Variants in CNOT4 observed in about 807,000 individuals in gnomAD.
CNOT4 encodes CCR4-associated factor 4.
Under a neutral mutation model 73.8 loss-of-function variants are expected in CNOT4, and 8 were observed. That is an observed-to-expected ratio of 0.11 (90% CI 0.06 to 0.20). The LOEUF (loss-of-function observed/expected upper bound fraction) is 0.20. Ranked by LOEUF, CNOT4 falls within the 10% of genes least tolerant of loss-of-function variation. The pLI is 1.00. For missense variants in CNOT4, 564 were observed against 883.4 expected (o/e 0.64, Z 4.58); for synonymous variants, 293 against 321.1 (o/e 0.91, Z 0.94).
At position 135,413,752 on chromosome 7, in the gene CNOT4, T is replaced by C. The variant is rs1442518682; in HGVS notation, c.562-139A>G. The C allele has an allele frequency of 1.8e-5, 12 of 680,014 alleles. No homozygotes were observed. In the East Asian group the frequency reaches 2.3e-4, roughly 13 times the overall value. 42.1% of individuals were successfully genotyped at this position (680,014 alleles called of 1,614,324 possible). A position where few individuals can be genotyped will look rare whatever the true frequency, so the allele number is the denominator to read the frequency against. ...AAACAAAAAGTATGGCTGCAAATACTAGAGAACTAAACTCTTATTAGCAGG... is the reference window on the plus strand; with the variant it reads ...AAACAAAAAGTATGGCTGCAAATACCAGAGAACTAAACTCTTATTAGCAGG... On this transcript the variant is annotated intron_variant, in intron 5 of 11. Coordinates refer to ENST00000541284, the MANE Select transcript of CNOT4 (RefSeq NM_001190850.2).
rs1023813496 is a variant in CNOT4, at chr7:135,424,702, C to T, written c.175-2349G>A. 3.4e-4 allele frequency among the ~76,000 whole-genome samples: 51 copies of T among 151,920 alleles called. 1 individual carries two copies. Among genetic ancestry groups the T allele is most frequent in the African/African-American group, 1.2e-3 (50 of 41,362 alleles). On this transcript the variant is annotated intron_variant, in intron 2 of 11. Transcript: ENST00000541284. ...TACTTGGGAGGCTGAGGCAGGAGAA[C>T]TGCTTGAACCTGGGAGGCAGAGGTT...
At chr7:135,367,641 T>C (rs951158172) in intron 10 of CNOT4, among the ~76,000 whole-genome samples, 3 of 152,310 alleles carry the variant, frequency 2.0e-5, no homozygotes, top group South Asian at 2.1e-4. Flanking sequence ...GGGTATTTCT[T>C]ACTGCCAGGA....
intron 1 of CNOT4, among the ~76,000 whole-genome samples, chr7:135,495,762 G>GAAAGAAAT (rs1554445904): frequency 2.3e-5 from 3 of 129,416 alleles, no homozygotes; most frequent in African/African-American, 9.1e-5. Context: ...AAGAAAGAAA[G>GAAAGAAAT]AAATTTAAGA....
chr7:135,453,302 T>C (rs964633368), intron 1 of CNOT4, among the ~76,000 whole-genome samples: 2 of 152,154 alleles, frequency 1.3e-5, no homozygotes, highest in Non-Finnish European at 2.9e-5. Context: ...TTTAAGCTCA[T>C]GTTTATTAGC....
In CNOT4 at chr7:135,398,179, T is replaced by C. The variant is rs781303233; in HGVS notation, c.869A>G (p.Asn290Ser). The change falls in exon 8 of 12, where the codon AAT (asparagine) becomes AGT (serine). Residue 290 changes from asparagine to serine, a missense_variant. Physicochemically the swap from Asn to Ser is conservative, Grantham distance 46. Coordinates refer to ENST00000541284, the MANE Select transcript of CNOT4 (RefSeq NM_001190850.2). ...SDSLSIGNGDNSQQISNSDTP... is the reference protein window; with the variant it reads ...SDSLSIGNGDSSQQISNSDTP... ...GTATTCAAATCTTACCTGCTGGGAATTATCACCGTTCCCTATACTGAGAGA... is the reference window on the plus strand; with the variant it reads ...GTATTCAAATCTTACCTGCTGGGAACTATCACCGTTCCCTATACTGAGAGA... 1.9e-5 allele frequency: 29 copies of C among 1,537,726 alleles called. No homozygotes were observed. The highest frequency in any genetic ancestry group is 2.6e-5 in the Non-Finnish European group (29 of 1,111,640).
At chr7:135,509,161 T>C (rs1314496983) in intron 1 of CNOT4, 3 of 152,146 alleles carry the variant, frequency 2.0e-5, no homozygotes, top group Non-Finnish European at 2.9e-5. Flanking sequence ...AAAGGATCTG[T>C]ACAGGAAAGA....
At chr7:135,426,811 T>G (rs1056995608) in intron 2 of CNOT4, among the ~76,000 whole-genome samples, 16 of 150,938 alleles carry the variant, frequency 1.1e-4, no homozygotes, top group African/African-American at 3.9e-4. Flanking sequence ...TAATCCCAGC[T>G]ACTCAGGAGG....
At chr7:135,423,599 C>T (rs895114000) in intron 2 of CNOT4, among the ~76,000 whole-genome samples, 4 of 152,034 alleles carry the variant, frequency 2.6e-5, no homozygotes, top group Non-Finnish European at 4.4e-5. Flanking sequence ...TCCAAGAACC[C>T]TATTCTTTCC....
intron 1 of CNOT4, among the ~76,000 whole-genome samples, chr7:135,472,692 G>A (rs1261081983): frequency 2.7e-5 from 4 of 149,548 alleles, no homozygotes; most frequent in Admixed American, 6.7e-5. Context: ...TGCAACACAC[G>A]AATTACACAA....
chr7:135,419,537 A>G (rs969082160), intron 3 of CNOT4, among the ~76,000 whole-genome samples: 1 of 152,204 alleles, frequency 6.6e-6, no homozygotes, highest in African/African-American at 2.4e-5. Context: ...AAATAAAGGA[A>G]AGCACCCATT....
chr7:135,489,453 G>A (rs1802961278), intron 1 of CNOT4, among the ~76,000 whole-genome samples: 1 of 145,178 alleles, frequency 6.9e-6, no homozygotes, highest in Non-Finnish European at 1.5e-5. Flanking sequence ...TGGAGTGCAA[G>A]GGCGTGATCT....
intron 1 of CNOT4, among the ~76,000 whole-genome samples, chr7:135,471,992 G>A (rs866482597): frequency 4.0e-4 from 61 of 152,018 alleles, no homozygotes; most frequent in African/African-American, 1.4e-3. Flanking sequence ...GGGCAACATG[G>A]TGAAACCCTG....
chr7:135,497,585 G>A (rs1803673410), intron 1 of CNOT4, among the ~76,000 whole-genome samples: 1 of 152,120 alleles, frequency 6.6e-6, no homozygotes, highest in Non-Finnish European at 1.5e-5. Flanking sequence ...ATGCTACCAA[G>A]CACACTCAAA....
At chr7:135,415,330 A>G in intron 3 of CNOT4, 68 bp from the exon 4 acceptor site, 1 of 775,626 alleles carries the variant, frequency 1.3e-6, no homozygotes, top group Non-Finnish European at 2.2e-6. Context: ...TATAATGGAG[A>G]CATTCATCAT....
At position 135,381,933 on chromosome 7, in the gene CNOT4, T is replaced by C. The variant is rs143756222; in HGVS notation, c.1627+11985A>G. Among the ~76,000 whole-genome samples the C allele has an allele frequency of 3.0e-3, 451 of 152,324 alleles. 3 individuals are homozygous for C. The highest frequency in any genetic ancestry group is 4.4e-3 in the Admixed American group (67 of 15,298). On this transcript the variant is annotated intron_variant, in intron 10 of 11. Coordinates refer to ENST00000541284, the MANE Select transcript of CNOT4 (RefSeq NM_001190850.2). ...AGGAGCTGGAATAACAAAATTGTTA[T>C]AAGCACAGTATGTTCCAGGGTCAGC...
In CNOT4 at chr7:135,363,037, T is replaced by G. The variant is rs1399775950; in HGVS notation, c.1990A>C (p.Ile664Leu). Reference sequence around the variant, plus strand: ...TTCCAACTGGCTCTGTGCAGCGGGATCTGTGTGCTGAAGGGGGCGCTGTGG... The same window carrying G: ...TTCCAACTGGCTCTGTGCAGCGGGAGCTGTGTGCTGAAGGGGGCGCTGTGG... Reference protein sequence around the residue: ...THHSAPFSTQIPLHRASWNPY... With the variant: ...THHSAPFSTQLPLHRASWNPY... The change falls in exon 12 of 12, where the codon ATC becomes CTC. Residue 664 changes from isoleucine to leucine, a missense_variant. Around this residue, in one of 10 missense-constraint regions of CNOT4, gnomAD observed 88 missense variants for 94.7 expected, o/e 0.93. Transcript: ENST00000541284. This position sits in a 1 kb window ranked among gnomAD's most constrained non-coding sequence, Gnocchi z 4.3. 1 of 1,613,334 alleles carries G rather than the reference T, an allele frequency of 6.2e-7. No homozygotes were observed. The highest frequency in any genetic ancestry group is 2.2e-5 in the East Asian group (1 of 44,850).
chr7:135,463,880 C>T (rs1801045622), intron 1 of CNOT4, among the ~76,000 whole-genome samples: 1 of 150,728 alleles, frequency 6.6e-6, no homozygotes, highest in South Asian at 2.1e-4. Context: ...AGGACAAGAA[C>T]AGACACTTCT....
intron 2 of CNOT4, among the ~76,000 whole-genome samples, chr7:135,425,544 A>T (rs1294786781): frequency 3.9e-5 from 6 of 152,214 alleles, no homozygotes; most frequent in African/African-American, 1.4e-4. Flanking sequence ...ATCAGGCTTC[A>T]AAGTCAACGT....
At chr7:135,459,140 TCTC>T (rs1240406803) in intron 1 of CNOT4, among the ~76,000 whole-genome samples, 2 of 152,008 alleles carry the variant, frequency 1.3e-5, no homozygotes, top group Non-Finnish European at 2.9e-5. Flanking sequence ...ACAACATTAA[TCTC>T]CTTGTACATC....
Sources: allele counts gnomAD v4.1 joint callset (sites outside exome capture counted in the v4.1 genomes callset), GRCh38; gene constraint gnomAD v4.1.1; regional missense constraint gnomAD v4.1.1; non-coding constraint Gnocchi (gnomAD v3.1); transcripts MANE v1.5; gene names NCBI Gene and HGNC (gene_info 2026-07-23, HGNC 2026-07-21).